The following LHFPL3 variants were observed in gnomAD, a reference collection of about 807,000 sequenced individuals.
LHFPL3 encodes LHFPL tetraspan subfamily member 3 protein.
In LHFPL3, 5 loss-of-function variants were observed where a neutral mutation model predicts 19.3. The ratio of observed to expected loss-of-function variants is 0.26; its 90% confidence interval spans 0.14 to 0.54. LHFPL3 has a LOEUF of 0.54. Among genes scored for constraint, LHFPL3 ranks in the 20% least tolerant of loss-of-function variants. The pLI is 0.94. For synonymous variants in LHFPL3, 133 were observed against 126.2 expected (o/e 1.05, Z -0.36); for missense variants, 249 against 307.4 (o/e 0.81, Z 1.42).
rs1791295988 is a variant in LHFPL3 at position 104,845,453 on chromosome 7, G to C, written c.683-60734G>C. 2.0e-6 allele frequency: 3 copies of C among 1,534,776 alleles called. No individual in the cohort carries two copies. In the South Asian group the frequency reaches 3.6e-5, roughly 18 times the overall value. On this transcript the variant is annotated intron_variant, in intron 2 of 2. Coordinates refer to ENST00000424859, the MANE Select transcript of LHFPL3 (RefSeq NM_199000.3). Reference sequence around the variant, plus strand: ...ATGTAAGTGTGAGCATGGCTTTGTGGGTTCAGCTCTGTTTTGTGCGCTTCT... The same window carrying C: ...ATGTAAGTGTGAGCATGGCTTTGTGCGTTCAGCTCTGTTTTGTGCGCTTCT...
intron 2 of LHFPL3, among the ~76,000 whole-genome samples, chr7:104,842,382 C>A (rs1050332759): frequency 6.6e-6 from 1 of 152,068 alleles, no homozygotes; most frequent in Non-Finnish European, 1.5e-5. Flanking sequence ...ACATGGCCTG[C>A]CTGGGGAGGG....
At chr7:104,502,901 T>A (rs41029) in intron 1 of LHFPL3, among the ~76,000 whole-genome samples, 21,204 of 152,162 alleles carry the variant, frequency 0.14, 1,614 homozygotes, top group East Asian at 0.21. Context: ...CAGTAATATC[T>A]GGGTTCTCAG....
intron 1 of LHFPL3, among the ~76,000 whole-genome samples, chr7:104,612,125 T>C (rs1791223665): frequency 6.6e-6 from 1 of 152,210 alleles, no homozygotes; most frequent in African/African-American, 2.4e-5. Context: ...TTAAGGGACA[T>C]AATTACTTAA....
At chr7:104,558,961 G>C (rs1333085438) in intron 1 of LHFPL3, among the ~76,000 whole-genome samples, 3 of 148,474 alleles carry the variant, frequency 2.0e-5, no homozygotes, top group East Asian at 1.9e-4. Flanking sequence ...GCTTGTTTTT[G>C]TCAGGTTTGT....
chr7:104,409,930 A>C (rs955331328), intron 1 of LHFPL3, among the ~76,000 whole-genome samples: 8 of 152,036 alleles, frequency 5.3e-5, no homozygotes, highest in Admixed American at 3.9e-4. Context: ...TCAGAAAGCA[A>C]TGCACGAGAT....
At chr7:104,659,883 C>G (rs982627560) in intron 1 of LHFPL3, among the ~76,000 whole-genome samples, 1 of 152,122 alleles carries the variant, frequency 6.6e-6, no homozygotes, top group African/African-American at 2.4e-5. Flanking sequence ...AGAAGTAGCC[C>G]CCTGGTGTGC....
chr7:104,356,483 A>G (rs17331134), intron 1 of LHFPL3, among the ~76,000 whole-genome samples: 23,771 of 152,184 alleles, frequency 0.16, 1,977 homozygotes, highest in Non-Finnish European at 0.18. Flanking sequence ...AAGTAGTTTC[A>G]TTTGGACCAT....
intron 1 of LHFPL3, among the ~76,000 whole-genome samples, chr7:104,686,884 C>T (rs1792815524): frequency 6.6e-6 from 1 of 152,164 alleles, no homozygotes; most frequent in Non-Finnish European, 1.5e-5. Flanking sequence ...CACATGTCAC[C>T]AGGAGAGAGA....
At chr7:104,759,171 G>A (rs1183787323) in intron 2 of LHFPL3, among the ~76,000 whole-genome samples, 1 of 152,146 alleles carries the variant, frequency 6.6e-6, no homozygotes, top group Non-Finnish European at 1.5e-5. Context: ...TGACTTTTTT[G>A]AATGTCTGAG....
At chr7:104,584,860 T>G (rs1342002004) in intron 1 of LHFPL3, among the ~76,000 whole-genome samples, 1 of 152,200 alleles carries the variant, frequency 6.6e-6, no homozygotes, top group Non-Finnish European at 1.5e-5. Context: ...GGTAATTCGG[T>G]GATCTCAACT....
chr7:104,502,256 A>G (rs553565549), intron 1 of LHFPL3, among the ~76,000 whole-genome samples: 2 of 152,244 alleles, frequency 1.3e-5, no homozygotes, highest in African/African-American at 4.8e-5. Context: ...TAACACCTGA[A>G]AGAGTTAAAA....
chr7:104,845,360 T>A (rs1791294144), intron 2 of LHFPL3: 1 of 1,403,484 alleles, frequency 7.1e-7, no homozygotes, highest in Non-Finnish European at 9.7e-7. Context: ...AACCGTTCTG[T>A]TTTTTCCTCC....
Position 104,403,856 on chromosome 7 carries a change from C to T in LHFPL3, c.445+74632C>T, listed in dbSNP as rs567887578. ...CTACAGTAACCAAGCCTGATCTGCC[C>T]AGCCTTCTGTTTTTGTATGCCTCAT... On this transcript the variant is annotated intron_variant, in intron 1 of 2. Transcript: ENST00000424859. 3.7e-4 allele frequency among the ~76,000 whole-genome samples: 56 copies of T among 152,244 alleles called. 1 individual carries two copies. The highest frequency in any genetic ancestry group is 1.0e-3 in the African/African-American group (43 of 41,526).
chr7:104,430,419 C>A (rs6963066), intron 1 of LHFPL3, among the ~76,000 whole-genome samples: 3 of 14,660 alleles, frequency 2.0e-4, no homozygotes, highest in Non-Finnish European at 2.7e-4. Flanking sequence ...TATATATATA[C>A]ATATATATAT....
chr7:104,708,712 A>G (rs1793236340), intron 1 of LHFPL3, among the ~76,000 whole-genome samples: 1 of 152,166 alleles, frequency 6.6e-6, no homozygotes, highest in Admixed American at 6.5e-5. Context: ...TCTGAGCCCC[A>G]GTCCCCTTCT....
chr7:104,753,198 A>G (rs950677028), intron 2 of LHFPL3, among the ~76,000 whole-genome samples: 1 of 152,236 alleles, frequency 6.6e-6, no homozygotes, highest in African/African-American at 2.4e-5. Flanking sequence ...ATAGAACTTT[A>G]GAGTTCCTTT....
intron 1 of LHFPL3, among the ~76,000 whole-genome samples, chr7:104,710,501 T>C (rs908849481): frequency 2.6e-5 from 4 of 152,188 alleles, no homozygotes; most frequent in African/African-American, 9.6e-5. Flanking sequence ...AAGCTCTGTA[T>C]TTCCCTGAAA....
intron 2 of LHFPL3, among the ~76,000 whole-genome samples, chr7:104,883,685 G>C (rs1792095578): frequency 6.6e-6 from 1 of 152,182 alleles, no homozygotes; most frequent in Non-Finnish European, 1.5e-5. Flanking sequence ...GCACTAACGG[G>C]AGTTTCCTGA....
At chr7:104,528,827 C>T (rs1794239005) in intron 1 of LHFPL3, among the ~76,000 whole-genome samples, 1 of 152,090 alleles carries the variant, frequency 6.6e-6, no homozygotes, top group Admixed American at 6.5e-5. Flanking sequence ...AACACCTTAG[C>T]TCGACATTGA....
Sources: gnomAD v4.1 joint callset for allele counts (sites outside exome capture counted in the v4.1 genomes callset) on GRCh38, gnomAD v4.1.1 for gene constraint, MANE v1.5 for transcripts, NCBI Gene and HGNC (gene_info 2026-07-23, HGNC 2026-07-21) for gene names.